Variants in PRDM6 observed in about 807,000 individuals in gnomAD.
PRDM6 encodes the protein PR/SET domain 6.
In PRDM6, 25 loss-of-function variants were observed where a neutral mutation model predicts 60.8. That is an observed-to-expected ratio of 0.41 (90% CI 0.30 to 0.57). PRDM6 has a LOEUF of 0.57. Among genes scored for constraint, PRDM6 ranks in the 20% least tolerant of loss-of-function variants. The pLI, the probability that PRDM6 is intolerant of heterozygous loss-of-function variation, is 0.27. For synonymous variants in PRDM6, 407 were observed against 357.4 expected, an observed-to-expected ratio of 1.14 and a Z score of -1.57; for missense variants, 839 against 821.3, an observed-to-expected ratio of 1.02 and a Z score of -0.26.
At chr5:123,136,623 T>C (rs1290271143) in intron 3 of PRDM6, among the ~76,000 whole-genome samples, 1 of 152,222 alleles carries the variant, frequency 6.6e-6, no homozygotes, top group African/African-American at 2.4e-5. Context: ...AATTCTCTTA[T>C]TTGAGAATAA....
intron 3 of PRDM6, among the ~76,000 whole-genome samples, chr5:123,127,108 GCT>G (rs890469241): frequency 1.5e-4 from 23 of 150,816 alleles, no homozygotes; most frequent in African/African-American, 5.1e-4. Flanking sequence ...TGTGATCTTT[GCT>G]CTCTGCAACC....
chr5:123,135,872 T>C (rs556571962), intron 3 of PRDM6, among the ~76,000 whole-genome samples: 1 of 152,296 alleles, frequency 6.6e-6, no homozygotes, highest in African/African-American at 2.4e-5. Flanking sequence ...GCTTGGACAG[T>C]GGAGATCAAC....
intron 3 of PRDM6, among the ~76,000 whole-genome samples, chr5:123,144,235 A>G (rs561628541): frequency 1.3e-5 from 2 of 152,328 alleles, no homozygotes; most frequent in East Asian, 1.9e-4. Context: ...CTAGAGCTCT[A>G]TGAGGACTAA....
chr5:123,154,272 C>T (rs2126871482), intron 3 of PRDM6, among the ~76,000 whole-genome samples: 1 of 152,242 alleles, frequency 6.6e-6, no homozygotes, highest in African/African-American at 2.4e-5. Flanking sequence ...GCAATGTTTC[C>T]ATTTTTTGCC....
At chr5:123,141,940 G>C (rs532410293) in intron 3 of PRDM6, among the ~76,000 whole-genome samples, 17 of 152,218 alleles carry the variant, frequency 1.1e-4, no homozygotes, top group African/African-American at 4.1e-4. Context: ...CCATGACCAT[G>C]CCTCCTTTTC....
rs377471775 is a variant in PRDM6 at position 123,192,365 on chromosome 5, G to C, written c.*5164G>C. 2 of 152,050 alleles carry C rather than the reference G, an allele frequency of 1.3e-5. No homozygotes were observed. The highest frequency in any genetic ancestry group is 1.9e-4 in the East Asian group (1 of 5,198). 9.4% of individuals were successfully genotyped at this position (152,050 alleles called of 1,614,324 possible). On this transcript the variant is annotated 3_prime_UTR_variant, in exon 8 of 8. Coordinates refer to ENST00000407847, the MANE Select transcript of PRDM6 (RefSeq NM_001136239.4). ...CATAAACAGGCAATTGTTAAAAGAG[G>C]AAAATACTTCTCTATGTAAAGCTTT...
intron 3 of PRDM6, among the ~76,000 whole-genome samples, chr5:123,137,499 G>T (rs1359608480): frequency 6.6e-6 from 1 of 152,144 alleles, no homozygotes; most frequent in East Asian, 1.9e-4. Context: ...GTGGTAAGTT[G>T]TTGTATTTAA....
At chr5:123,093,729 T>C (rs1054921386) in intron 2 of PRDM6, among the ~76,000 whole-genome samples, 1 of 152,204 alleles carries the variant, frequency 6.6e-6, no homozygotes, top group Non-Finnish European at 1.5e-5. Flanking sequence ...CGGAGTGGCC[T>C]CTTCCCGGGT....
At chr5:123,137,484 A>G (rs1764987284) in intron 3 of PRDM6, among the ~76,000 whole-genome samples, 1 of 152,206 alleles carries the variant, frequency 6.6e-6, no homozygotes, top group South Asian at 2.1e-4. Context: ...AGTGTTTCCC[A>G]AAGTGTGGTA....
chr5:123,113,403 C>T (rs1764361234), intron 3 of PRDM6, among the ~76,000 whole-genome samples: 1 of 152,180 alleles, frequency 6.6e-6, no homozygotes, highest in Non-Finnish European at 1.5e-5. Context: ...GACTATCTGC[C>T]AGGCACTCTG....
intron 5 of PRDM6, among the ~76,000 whole-genome samples, chr5:123,161,182 T>C (rs980153426): frequency 2.2e-4 from 33 of 152,190 alleles, no homozygotes; most frequent in African/African-American, 7.5e-4. Context: ...TGTTGTGGTG[T>C]GTGTGTTGAG....
chr5:123,130,708 G>A (rs1246994535), intron 3 of PRDM6, among the ~76,000 whole-genome samples: 3 of 151,898 alleles, frequency 2.0e-5, no homozygotes, highest in Admixed American at 6.6e-5. Flanking sequence ...AAGATTACAG[G>A]CATGCATCAC....
intron 3 of PRDM6, among the ~76,000 whole-genome samples, chr5:123,150,545 C>T (rs1208983711): frequency 6.6e-6 from 1 of 152,078 alleles, no homozygotes; most frequent in African/African-American, 2.4e-5. Context: ...AAATACTGGG[C>T]CTCTACCTCC....
chr5:123,134,824 G>A (rs568916767), intron 3 of PRDM6, among the ~76,000 whole-genome samples: 52 of 152,146 alleles, frequency 3.4e-4, no homozygotes, highest in Non-Finnish European at 6.3e-4. Flanking sequence ...TTACTGCTCC[G>A]AAGGCAGAGA....
intron 3 of PRDM6, among the ~76,000 whole-genome samples, chr5:123,138,557 G>A (rs899228600): frequency 5.9e-5 from 9 of 152,136 alleles, no homozygotes; most frequent in African/African-American, 2.2e-4. Context: ...TCATACTTTA[G>A]GGATTTGGGA....
At chr5:123,133,071 G>C (rs916986467) in intron 3 of PRDM6, among the ~76,000 whole-genome samples, 2 of 152,028 alleles carry the variant, frequency 1.3e-5, no homozygotes, top group African/African-American at 2.4e-5. Flanking sequence ...CCTTGATATT[G>C]ATAACACATT....
At chr5:123,104,077 G>A (rs1430149326) in intron 3 of PRDM6, among the ~76,000 whole-genome samples, 1 of 152,056 alleles carries the variant, frequency 6.6e-6, no homozygotes, top group African/African-American at 2.4e-5. Context: ...ATAACATAAT[G>A]TGAGCCTTTT....
At chr5:123,109,453 A>G (rs1024511049) in intron 3 of PRDM6, among the ~76,000 whole-genome samples, 1 of 152,202 alleles carries the variant, frequency 6.6e-6, no homozygotes, top group Non-Finnish European at 1.5e-5. Context: ...GCACATAGAT[A>G]TAAAGAGTAT....
At position 123,116,456 on chromosome 5, in the gene PRDM6, A is replaced by G. The variant is rs527956284; in HGVS notation, c.900+16495A>G. On this transcript the variant is annotated intron_variant, in intron 3 of 7. Coordinates refer to ENST00000407847, the MANE Select transcript of PRDM6 (RefSeq NM_001136239.4). Reference sequence around the variant, plus strand: ...GCAAACTCGGCATCACCAAGGTAATATTAAACTAGTTTCAAACTAAGAAAG... The same window carrying G: ...GCAAACTCGGCATCACCAAGGTAATGTTAAACTAGTTTCAAACTAAGAAAG... Among the ~76,000 whole-genome samples, 5 of 152,326 alleles carry G rather than the reference A, an allele frequency of 3.3e-5. No homozygotes were observed. The East Asian group carries it at 7.7e-4, about 23-fold the overall frequency.
Sources: allele counts gnomAD v4.1 joint callset (sites outside exome capture counted in the v4.1 genomes callset), GRCh38; gene constraint gnomAD v4.1.1; transcripts MANE v1.5; gene names NCBI Gene and HGNC (gene_info 2026-07-23, HGNC 2026-07-21).